Variants in TBC1D19 observed in about 807,000 individuals in gnomAD.
The protein encoded by TBC1D19 is TBC1 domain family, member 19.
A neutral mutation model predicts 89.0 loss-of-function variants in TBC1D19; 60 were observed. The observed-to-expected ratio is 0.67, with a 90% CI of 0.55 to 0.84. TBC1D19 has a LOEUF of 0.84. TBC1D19 is among the 40% of genes least tolerant of loss of function. The probability of loss-of-function intolerance (pLI) is 0.00; values close to 1 mark genes in which losing one functional copy is unlikely to be tolerated. For synonymous variants in TBC1D19, 189 were observed against 199.7 expected (o/e 0.95, Z 0.45); for missense variants, 500 against 610.8 (o/e 0.82, Z 1.91).
the TBC1D19 span, among the ~76,000 whole-genome samples, chr4:26,778,918 C>T: frequency 6.6e-6 from 1 of 152,154 alleles, no homozygotes; most frequent in Non-Finnish European, 1.5e-5. Flanking sequence ...ATTTTTAATT[C>T]CTGATACCCA....
chr4:26,638,736 T>C (rs375484669), intron 5 of TBC1D19, 35 bp from the exon 6 acceptor site: 7 of 1,551,216 alleles, frequency 4.5e-6, no homozygotes, highest in South Asian at 1.2e-5. Context: ...CTTCAAAAAA[T>C]GAAATGAAAC....
At chr4:26,749,777 T>C (rs927562003) in intron 19 of TBC1D19, among the ~76,000 whole-genome samples, 1 of 152,102 alleles carries the variant, frequency 6.6e-6, no homozygotes, top group African/African-American at 2.4e-5. Flanking sequence ...GAGAAGTCTA[T>C]AGTTATAGTT....
intron 1 of TBC1D19, among the ~76,000 whole-genome samples, chr4:26,607,818 A>C (rs1474507065): frequency 1.3e-5 from 2 of 152,186 alleles, no homozygotes; most frequent in African/African-American, 4.8e-5. Flanking sequence ...CACTTCTTAC[A>C]AATGCATGCT....
chr4:26,656,740 G>C (rs1744847041), intron 7 of TBC1D19, among the ~76,000 whole-genome samples: 1 of 151,926 alleles, frequency 6.6e-6, no homozygotes, highest in South Asian at 2.1e-4. Flanking sequence ...TTGTATTTTA[G>C]TAGCAATGGA....
the TBC1D19 span, among the ~76,000 whole-genome samples, chr4:26,853,560 CAG>C: frequency 1.3e-5 from 2 of 151,730 alleles, no homozygotes; most frequent in Non-Finnish European, 2.9e-5. Flanking sequence ...GTTTTTGAGA[CAG>C]AGTCTCGCTC....
intron 4 of TBC1D19, 75 bp from the exon 5 acceptor site, chr4:26,637,136 T>A: frequency 9.5e-7 from 1 of 1,051,484 alleles, no homozygotes; most frequent in East Asian, 2.6e-5. Flanking sequence ...CTATATAATT[T>A]GTAATATCTT....
chr4:26,826,727 G>A, the TBC1D19 span, among the ~76,000 whole-genome samples: 7 of 152,174 alleles, frequency 4.6e-5, no homozygotes, highest in Admixed American at 3.3e-4. Context: ...AACTGTTGGC[G>A]AGCAGGAAAG....
chr4:26,709,898 AG>A (rs1716027429), intron 13 of TBC1D19, among the ~76,000 whole-genome samples: 1 of 152,038 alleles, frequency 6.6e-6, no homozygotes, highest in East Asian at 1.9e-4. Context: ...CGCCTTTTAT[AG>A]ATGAAGAAGC....
At chr4:26,622,100 G>A (rs556495153) in intron 4 of TBC1D19, among the ~76,000 whole-genome samples, 5 of 152,004 alleles carry the variant, frequency 3.3e-5, no homozygotes, top group Non-Finnish European at 7.4e-5. Context: ...GTTGTGGGGT[G>A]GGGGGAGAGG....
At chr4:26,825,338 C>G in the TBC1D19 span, among the ~76,000 whole-genome samples, 1 of 152,148 alleles carries the variant, frequency 6.6e-6, no homozygotes, top group Non-Finnish European at 1.5e-5. Context: ...ACCTCATGAT[C>G]CGCCTGCCTT....
intron 4 of TBC1D19, among the ~76,000 whole-genome samples, chr4:26,634,341 A>G (rs1361003014): frequency 6.6e-6 from 1 of 152,080 alleles, no homozygotes; most frequent in African/African-American, 2.4e-5. Flanking sequence ...TTCAGGGGCA[A>G]TATTGTGCTC....
chr4:26,717,598 A>G (rs1382153541), intron 13 of TBC1D19, among the ~76,000 whole-genome samples: 4 of 152,114 alleles, frequency 2.6e-5, no homozygotes, highest in Admixed American at 6.6e-5. Flanking sequence ...CTATGTCACA[A>G]TAGTTACTCA....
chr4:26,746,548 G>T (rs1718659809), intron 18 of TBC1D19, among the ~76,000 whole-genome samples: 1 of 151,824 alleles, frequency 6.6e-6, no homozygotes, highest in African/African-American at 2.4e-5. Flanking sequence ...ATTTCCATCT[G>T]GTTCTTCATA....
chr4:26,847,827 T>G, the TBC1D19 span, among the ~76,000 whole-genome samples: 1 of 152,208 alleles, frequency 6.6e-6, no homozygotes, highest in Non-Finnish European at 1.5e-5. Context: ...AGATGACTTT[T>G]CTATTTCATT....
At chr4:26,784,643 C>T in the TBC1D19 span, among the ~76,000 whole-genome samples, 1 of 152,294 alleles carries the variant, frequency 6.6e-6, no homozygotes, top group South Asian at 2.1e-4. Context: ...TGTTGACATA[C>T]CAAAGAGACA....
intron 13 of TBC1D19, among the ~76,000 whole-genome samples, chr4:26,715,134 T>A (rs148706570): frequency 4.3e-4 from 66 of 152,168 alleles, no homozygotes; most frequent in African/African-American, 1.6e-3. Flanking sequence ...GTATCTCCAA[T>A]TACCTCTTCA....
intron 7 of TBC1D19, among the ~76,000 whole-genome samples, chr4:26,647,727 G>A (rs1043135668): frequency 1.3e-5 from 2 of 151,926 alleles, no homozygotes; most frequent in African/African-American, 4.8e-5. Flanking sequence ...CTTACCCCTG[G>A]CTTCCTCCCA....
chr4:26,747,682 A>G (rs1028297447), intron 18 of TBC1D19, among the ~76,000 whole-genome samples: 4 of 152,224 alleles, frequency 2.6e-5, no homozygotes, highest in Admixed American at 6.5e-5. Context: ...GAACTGGTTG[A>G]TCCCTTAAGG....
chr4:26,787,600 A>G, the TBC1D19 span, among the ~76,000 whole-genome samples: 17 of 152,300 alleles, frequency 1.1e-4, no homozygotes, highest in African/African-American at 3.6e-4. Flanking sequence ...GGGGGCTCCC[A>G]GAGCCACAAG....
Sources: gnomAD v4.1 joint callset for allele counts (sites outside exome capture counted in the v4.1 genomes callset) on GRCh38, gnomAD v4.1.1 for gene constraint, MANE v1.5 for transcripts, NCBI Gene and HGNC (gene_info 2026-07-23, HGNC 2026-07-21) for gene names.